Variants in URB1 observed in about 807,000 individuals in gnomAD.
URB1 encodes URB1 ribosome biogenesis factor, also known as nucleolar pre-ribosomal-associated protein 1.
Under a neutral mutation model 242.3 loss-of-function variants are expected in URB1, and 197 were observed. The observed-to-expected ratio is 0.81, with a 90% CI of 0.72 to 0.91. URB1 has a LOEUF of 0.91. Ranked by LOEUF, URB1 falls within the 40% of genes least tolerant of loss-of-function variation. The pLI is 0.00. For missense variants in URB1, 2,721 were observed against 2,860.5 expected, an observed-to-expected ratio of 0.95 and a Z score of 1.11; for synonymous variants, 1,153 against 1,201.8, an observed-to-expected ratio of 0.96 and a Z score of 0.84.
chr21:32,323,235 T>C (rs972186799), intron 32 of URB1, among the ~76,000 whole-genome samples: 2 of 152,126 alleles, frequency 1.3e-5, no homozygotes, highest in Non-Finnish European at 1.5e-5. Flanking sequence ...AGTAAATCCA[T>C]GGAATAAAAT....
chr21:32,378,832 T>TA (rs1400157312), intron 4 of URB1, among the ~76,000 whole-genome samples: 3 of 152,238 alleles, frequency 2.0e-5, no homozygotes, highest in Admixed American at 6.5e-5. Context: ...TCCCTGACTA[T>TA]AACACATACA....
At chr21:32,382,941 C>G (rs2033542477) in intron 4 of URB1, among the ~76,000 whole-genome samples, 1 of 152,222 alleles carries the variant, frequency 6.6e-6, no homozygotes, top group African/African-American at 2.4e-5. Flanking sequence ...TTACCCATCA[C>G]AAGATTGTAA....
chr21:32,336,732 A>G (rs921813466), intron 28 of URB1, among the ~76,000 whole-genome samples: 2 of 152,204 alleles, frequency 1.3e-5, no homozygotes, highest in African/African-American at 4.8e-5. Context: ...GCCCCCTGAC[A>G]CTTCCCCTGA....
chr21:32,334,591 C>T lies in URB1; in HGVS notation c.4686-257G>A, dbSNP rs141706025. 9.4e-3 allele frequency among the ~76,000 whole-genome samples: 1,424 copies of T among 152,232 alleles called. 17 individuals carry two copies. The highest frequency in any genetic ancestry group is 0.082 in the Middle Eastern group (24 of 294). ...TACTCAGCTGGCCCTATTCTAAGCC[C>T]TTCATGTAGATCAATTCACTCAATC... On this transcript the variant is annotated intron_variant, in intron 28 of 38. Transcript: ENST00000382751.
Position 32,354,936 on chromosome 21 carries a change from T to C in URB1, c.2168A>G (p.Gln723Arg). Reference sequence around the variant, plus strand: ...AGTGGCCTGCAGCATGCTTGCTTCTTGGACAAAGTCAGATGCTTTGTCTGT... The same window carrying C: ...AGTGGCCTGCAGCATGCTTGCTTCTCGGACAAAGTCAGATGCTTTGTCTGT... ...SYTDKASDFV[Q>R]EASMLQATMT... Residue 723 changes from glutamine to arginine, a missense_variant, in exon 17 of 39, where the codon CAA becomes CGA. Coordinates refer to ENST00000382751, the MANE Select transcript of URB1 (RefSeq NM_014825.3). The C allele has an allele frequency of 6.4e-7, 1 of 1,552,356 alleles. No homozygotes were observed. Among genetic ancestry groups the C allele is most frequent in the East Asian group, 2.4e-5 (1 of 40,928 alleles).
chr21:32,330,576 C>G (rs2032882564), intron 30 of URB1, among the ~76,000 whole-genome samples: 1 of 151,240 alleles, frequency 6.6e-6, no homozygotes, highest in Non-Finnish European at 1.5e-5. Flanking sequence ...GCCTTTTTCT[C>G]CTGAAAGCTC....
chr21:32,322,396 T>C, intron 33 of URB1, 82 bp downstream of exon 33: 3 of 1,257,538 alleles, frequency 2.4e-6, no homozygotes, highest in Non-Finnish European at 2.3e-6. Context: ...ACAGGATCCA[T>C]GGGGAAATGT....
intron 36 of URB1, 43 bp from the exon 37 acceptor site, chr21:32,317,960 C>T (rs953820602): frequency 9.1e-6 from 14 of 1,546,398 alleles, no homozygotes; most frequent in Non-Finnish European, 1.2e-5. Flanking sequence ...AGGCTGCTGC[C>T]CCTGCCTGGC....
At chr21:32,379,657 GC>G (rs753240139) in intron 4 of URB1, among the ~76,000 whole-genome samples, 61 of 152,226 alleles carry the variant, frequency 4.0e-4, no homozygotes, top group Non-Finnish European at 6.9e-4. Flanking sequence ...AGGGAGAGAT[GC>G]CCACACCACA....
chr21:32,392,395 T>C (rs1277168767), intron 1 of URB1, among the ~76,000 whole-genome samples: 1 of 151,608 alleles, frequency 6.6e-6, no homozygotes, highest in Non-Finnish European at 1.5e-5. Context: ...GCCCAAGGAG[T>C]AGCAAACTGT....
intron 17 of URB1, 110 bp downstream of exon 17, chr21:32,354,747 CTG>C (rs765259291): frequency 7.3e-5 from 98 of 1,350,348 alleles, no homozygotes; most frequent in Non-Finnish European, 9.2e-5. Flanking sequence ...TGCAAAGGGA[CTG>C]TGTGCACTTG....
chr21:32,372,439 C>T, intron 8 of URB1, 68 bp downstream of exon 8: 1 of 1,500,326 alleles, frequency 6.7e-7, no homozygotes, highest in South Asian at 1.3e-5. Context: ...TTCCACTAGA[C>T]ACTCACATAT....
chr21:32,378,452 T>C lies in URB1; in HGVS notation c.657A>G (p.Glu219=). 6.4e-7 allele frequency: 1 copy of C among 1,551,588 alleles called. No individual in the cohort carries two copies. Among genetic ancestry groups the C allele is most frequent in the Non-Finnish European group, 8.7e-7 (1 of 1,146,894 alleles). ...ACAAGGGAGTACACCTACCTTTCAC[T>C]TCCAACACCTGCACTATAGTGCTGT... The part of the protein sequence containing the change: ...GDDSTIVQVL[E]VKEFIPCIFS... The change falls in exon 5 of 39, where the codon GAA becomes GAG. Residue 219 remains glutamate, a synonymous_variant. Coordinates refer to ENST00000382751, the MANE Select transcript of URB1 (RefSeq NM_014825.3).
chr21:32,389,434 G>A (rs1343101336), intron 1 of URB1, among the ~76,000 whole-genome samples: 4 of 152,226 alleles, frequency 2.6e-5, no homozygotes, highest in African/African-American at 9.6e-5. Flanking sequence ...TCATTTGACT[G>A]CTGCACACAG....
At chr21:32,341,609 A>G in intron 24 of URB1, 85 bp from the exon 25 acceptor site, 1 of 1,297,802 alleles carries the variant, frequency 7.7e-7, no homozygotes, top group Non-Finnish European at 1.1e-6. Context: ...GCCTTCAGAA[A>G]GGCATCTGCC....
Position 32,362,002 on chromosome 21 carries a change from G to C in URB1, c.1529C>G (p.Thr510Ser). The C allele has an allele frequency of 6.4e-7, 1 of 1,551,638 alleles. No homozygotes were observed. The highest frequency in any genetic ancestry group is 1.2e-5 in the South Asian group (1 of 84,060). ...AAGTGACTGCCAGACCCACACGACA[G>C]TGTTCAGGTCTGGCAAAATCTAAAT... ...ALSKILPDLN[T>S]VVWVWQSLKK... The change falls in exon 12 of 39, where the codon ACT (threonine) becomes AGT (serine). Residue 510 changes from threonine to serine, a missense_variant. Coordinates refer to ENST00000382751, the MANE Select transcript of URB1 (RefSeq NM_014825.3).
intron 1 of URB1, among the ~76,000 whole-genome samples, chr21:32,389,653 C>T (rs952403653): frequency 3.9e-5 from 6 of 152,198 alleles, no homozygotes; most frequent in Admixed American, 3.9e-4. Flanking sequence ...GAACATCCAG[C>T]TAATCAGAAT....
At position 32,373,718 on chromosome 21, in the gene URB1, G is replaced by C; in HGVS notation, c.805C>G (p.Gln269Glu). ...AGCGATGCTATGTGGTTCAATAACT[G>C]CCCCGTAAAGAAACGCACCTTCTGG... The part of the protein sequence containing the change: ...KTQKVRFFTG[Q>E]LLNHIASLYN... Residue 269 changes from glutamine (Q) to glutamate (E), a missense_variant, in exon 7 of 39, where the codon CAG becomes GAG. By Grantham distance (29) the Gln-to-Glu change is conservative. Transcript: ENST00000382751. 1 of 1,548,836 alleles carries C rather than the reference G, an allele frequency of 6.5e-7. No individual in the cohort carries two copies. The highest frequency in any genetic ancestry group is 8.7e-7 in the Non-Finnish European group (1 of 1,146,012).
At chr21:32,350,623 G>T (rs2033145734) in intron 20 of URB1, 81 bp downstream of exon 20, 1 of 1,464,100 alleles carries the variant, frequency 6.8e-7, no homozygotes, top group Admixed American at 2.0e-5. Flanking sequence ...GAGTGTGCTG[G>T]GCTGTGGGCC....
Sources: gnomAD v4.1 joint callset for allele counts (sites outside exome capture counted in the v4.1 genomes callset) on GRCh38, gnomAD v4.1.1 for gene constraint, MANE v1.5 for transcripts, NCBI Gene and HGNC (gene_info 2026-07-23, HGNC 2026-07-21) for gene names.